Variants in SPECC1L observed in about 807,000 individuals in gnomAD.
SPECC1L encodes the protein cytospin-A.
A neutral mutation model predicts 116.8 loss-of-function variants in SPECC1L; 40 were observed. The observed-to-expected ratio is 0.34, with a 90% CI of 0.27 to 0.45. SPECC1L has a LOEUF of 0.45. Among genes scored for constraint, SPECC1L ranks in the 20% least tolerant of loss-of-function variants. The pLI, the probability that SPECC1L is intolerant of heterozygous loss-of-function variation, is 1.00. For synonymous variants in SPECC1L, 504 were observed against 500.6 expected, an observed-to-expected ratio of 1.01 and a Z score of -0.09; for missense variants, 1,110 against 1,373.6, an observed-to-expected ratio of 0.81 and a Z score of 3.03.
At chr22:24,305,830 C>T (rs1556188861) in intron 3 of SPECC1L, among the ~76,000 whole-genome samples, 1 of 152,124 alleles carries the variant, frequency 6.6e-6, no homozygotes, top group Non-Finnish European at 1.5e-5. Flanking sequence ...ATTGTTACTC[C>T]TTTCATGTTA....
intron 9 of SPECC1L, among the ~76,000 whole-genome samples, chr22:24,335,468 C>T (rs1413366585): frequency 6.6e-6 from 1 of 152,158 alleles, no homozygotes; most frequent in Non-Finnish European, 1.5e-5. Flanking sequence ...CTCTAGAAGG[C>T]TTACTCTTCC....
chr22:24,343,393 A>G, intron 10 of SPECC1L: 1 of 413,900 alleles, frequency 2.4e-6, no homozygotes, highest in Admixed American at 2.8e-5. Context: ...GCAGGTGAGA[A>G]TGATCACAGA....
chr22:24,339,632 G>T (rs1569426681), intron 10 of SPECC1L, among the ~76,000 whole-genome samples: 1 of 152,204 alleles, frequency 6.6e-6, no homozygotes, highest in Non-Finnish European at 1.5e-5. Context: ...TGTGATAAAG[G>T]GTAGCCCTGG....
chr22:24,340,140 CTTTTTTTTTTTTTT>C (rs765402107), intron 10 of SPECC1L, among the ~76,000 whole-genome samples: 1 of 105,140 alleles, frequency 9.5e-6, no homozygotes, highest in African/African-American at 4.6e-5. Context: ...ATTTAATGAC[CTTTTTTTTTTTTTT>C]TTTTTTTTTT....
At chr22:24,332,776 T>G (rs1274613897) in intron 8 of SPECC1L, among the ~76,000 whole-genome samples, 1 of 152,148 alleles carries the variant, frequency 6.6e-6, no homozygotes, top group Non-Finnish European at 1.5e-5. Flanking sequence ...TTTATTTTTA[T>G]TTTTAGATGA....
chr22:24,343,559 C>T, intron 10 of SPECC1L: 1 of 419,142 alleles, frequency 2.4e-6, no homozygotes, highest in Middle Eastern at 7.6e-4. Flanking sequence ...CTCCTGGGTT[C>T]AAGTGATTCT....
intron 14 of SPECC1L, among the ~76,000 whole-genome samples, chr22:24,408,395 T>C (rs1182627157): frequency 6.6e-6 from 1 of 152,232 alleles, no homozygotes; most frequent in Non-Finnish European, 1.5e-5. Context: ...CTCTTGGGAA[T>C]GTAGCAGGTC....
chr22:24,338,826 G>A (rs1261737234), intron 10 of SPECC1L, among the ~76,000 whole-genome samples: 2 of 152,164 alleles, frequency 1.3e-5, no homozygotes. Context: ...TGGTTACTGA[G>A]GCCCAGAAAG....
intron 14 of SPECC1L, among the ~76,000 whole-genome samples, chr22:24,401,812 C>T (rs2042480359): frequency 6.6e-6 from 1 of 152,182 alleles, no homozygotes; most frequent in African/African-American, 2.4e-5. Flanking sequence ...ACATTATGCC[C>T]TGACTCGTTC....
chr22:24,380,169 T>G (rs1238035562), intron 14 of SPECC1L, among the ~76,000 whole-genome samples: 9 of 152,134 alleles, frequency 5.9e-5, no homozygotes, highest in Non-Finnish European at 1.3e-4. Context: ...CTGCACCTGG[T>G]CTGAAATGCA....
At chr22:24,307,754 G>T (rs2049529995) in intron 3 of SPECC1L, among the ~76,000 whole-genome samples, 1 of 151,488 alleles carries the variant, frequency 6.6e-6, no homozygotes, top group Non-Finnish European at 1.5e-5. Context: ...GCCCAGGCTT[G>T]TCTCAATCTC....
intron 4 of SPECC1L, among the ~76,000 whole-genome samples, chr22:24,316,056 T>A (rs937538059): frequency 2.6e-5 from 4 of 152,352 alleles, no homozygotes; most frequent in Admixed American, 2.6e-4. Context: ...AACATATTAA[T>A]TTTGTGTGTT....
chr22:24,276,618 A>G (rs1234322259), intron 1 of SPECC1L, 82 bp from the exon 2 acceptor site: 15 of 345,732 alleles, frequency 4.3e-5, no homozygotes, highest in Non-Finnish European at 7.9e-5. Context: ...TATTAGGTCA[A>G]TAAGGTTTAT....
intron 13 of SPECC1L, among the ~76,000 whole-genome samples, chr22:24,366,415 G>C (rs1423304497): frequency 6.6e-6 from 1 of 152,026 alleles, no homozygotes; most frequent in Non-Finnish European, 1.5e-5. Flanking sequence ...GGATGGTCTC[G>C]ATCTCCTGAC....
intron 3 of SPECC1L, among the ~76,000 whole-genome samples, chr22:24,304,667 A>G (rs936703499): frequency 3.3e-5 from 5 of 152,224 alleles, no homozygotes; most frequent in Non-Finnish European, 5.9e-5. Flanking sequence ...CATTATACTG[A>G]TGATAATTTT....
chr22:24,273,097 A>G (rs1056545143), intron 1 of SPECC1L, among the ~76,000 whole-genome samples: 1 of 152,250 alleles, frequency 6.6e-6, no homozygotes, highest in Non-Finnish European at 1.5e-5. Context: ...GTTTGTATCA[A>G]AATTTCTGTT....
chr22:24,323,918 C>CT (rs1383538049), intron 5 of SPECC1L, among the ~76,000 whole-genome samples: 1 of 152,170 alleles, frequency 6.6e-6, no homozygotes, highest in Non-Finnish European at 1.5e-5. Context: ...AACGTACATG[C>CT]TTTCAGTCCA....
chr22:24,328,060 A>G (rs1464053408), intron 6 of SPECC1L, among the ~76,000 whole-genome samples: 1 of 152,250 alleles, frequency 6.6e-6, no homozygotes, highest in Non-Finnish European at 1.5e-5. Context: ...AGTGGCAGCT[A>G]TCAGCATAGC....
intron 9 of SPECC1L, among the ~76,000 whole-genome samples, chr22:24,336,960 A>G (rs557006811): frequency 1.1e-4 from 17 of 152,326 alleles, no homozygotes; most frequent in Non-Finnish European, 8.8e-5. Flanking sequence ...TTCATGTTAG[A>G]TGATTTTGCC....
Sources: allele counts gnomAD v4.1 joint callset (sites outside exome capture counted in the v4.1 genomes callset), GRCh38; gene constraint gnomAD v4.1.1; transcripts MANE v1.5; gene names NCBI Gene and HGNC (gene_info 2026-07-23, HGNC 2026-07-21).